The following PGLYRP3 variants were observed in gnomAD, a reference collection of about 807,000 sequenced individuals.
PGLYRP3 encodes peptidoglycan recognition protein I alpha.
A neutral mutation model predicts 36.0 loss-of-function variants in PGLYRP3; 39 were observed. That is an observed-to-expected ratio of 1.08 (90% confidence interval 0.84 to 1.41). The LOEUF is 1.41. Among genes scored for constraint, PGLYRP3 ranks in the 40% most tolerant of loss-of-function variants. The pLI is 0.00. For missense variants in PGLYRP3, 407 were observed against 427.9 expected, an observed-to-expected ratio of 0.95 and a Z score of 0.43; for synonymous variants, 204 against 172.8, an observed-to-expected ratio of 1.18 and a Z score of -1.42.
In PGLYRP3 at chr1:153,307,164, T is replaced by A; in HGVS notation, c.159A>T (p.Pro53=). 1 of 1,611,968 alleles carries A rather than the reference T, an allele frequency of 6.2e-7. No homozygotes were observed. The highest frequency in any genetic ancestry group is 8.5e-7 in the Non-Finnish European group (1 of 1,179,108). ...PVAYIITDQL[P]GMQCQQQSVC... is the part of the protein sequence containing the mutation. ...CGCTCTGCTGCTGGCACTGCATCCCTGGGAGCTGGTCTGTGATGATGTAGG... is the reference window on the plus strand; with the variant it reads ...CGCTCTGCTGCTGGCACTGCATCCCAGGGAGCTGGTCTGTGATGATGTAGG... Residue 53 remains proline, a synonymous_variant, in exon 3 of 8, where the codon CCA becomes CCT. Coordinates refer to ENST00000683862, the MANE Select transcript of PGLYRP3 (RefSeq NM_052891.3).
chr1:153,297,796 T>A lies in PGLYRP3; in HGVS notation c.*160A>T. On this transcript the variant is annotated 3_prime_UTR_variant, in exon 8 of 8. Transcript: ENST00000683862. ...ATGCCCAGCTGTGAGGTTTGGGGGC[T>A]CCTGGAGGATGTTGGCAGGAAAGGA... 1 of 776,260 alleles carries A rather than the reference T, an allele frequency of 1.3e-6. No individual in the cohort carries two copies. Among genetic ancestry groups the A allele is most frequent in the Non-Finnish European group, 2.0e-6 (1 of 492,532 alleles). The allele number at this position is 776,260 out of a possible 1,614,324, so 48.1% of individuals were successfully genotyped here. A position where few individuals can be genotyped will look rare whatever the true frequency, so the allele number is the denominator to read the frequency against.
Position 153,304,945 on chromosome 1 carries a change from ACCTAT to A in PGLYRP3, c.373_376+1del, listed in dbSNP as rs1659698694. ...ACAGGGTCCGCAGGGAGTGACCCTTACCTATCTTATTGCCAAAGAAGGCGATGCCC... is the reference window on the plus strand; with the variant it reads ...ACAGGGTCCGCAGGGAGTGACCCTTACTTATTGCCAAAGAAGGCGATGCCC... On this transcript the variant is annotated splice_donor_variant and coding_sequence_variant, in exon 4 of 8. Transcript: ENST00000683862. LOFTEE classifies it high-confidence loss of function. 1 of 1,612,070 alleles carries A rather than the reference ACCTAT, an allele frequency of 6.2e-7. No homozygotes were observed. The highest frequency in any genetic ancestry group is 2.2e-5 in the East Asian group (1 of 44,844).
intron 6 of PGLYRP3, 87 bp downstream of exon 6, chr1:153,302,322 G>T: frequency 7.0e-7 from 1 of 1,432,442 alleles, no homozygotes; most frequent in Non-Finnish European, 9.7e-7. Flanking sequence ...CAAAGGAGAG[G>T]CTCAGGAAAC....
At position 153,304,013 on chromosome 1, in the gene PGLYRP3, A is replaced by G. The variant is rs777646853; in HGVS notation, c.377-4T>C. The G allele has an allele frequency of 8.7e-6, 14 of 1,611,128 alleles. No individual in the cohort carries two copies. The highest frequency in any genetic ancestry group is 1.1e-5 in the South Asian group (1 of 90,820). Reference sequence around the variant, plus strand: ...GCAGCAGGGCTGGGACTGCTGCCTTAAAGAGGAGGACAGGGAGCACAAAAA... The same window carrying G: ...GCAGCAGGGCTGGGACTGCTGCCTTGAAGAGGAGGACAGGGAGCACAAAAA... On this transcript the variant is annotated splice_region_variant and splice_polypyrimidine_tract_variant and intron_variant, in intron 4 of 7. Coordinates refer to ENST00000683862, the MANE Select transcript of PGLYRP3 (RefSeq NM_052891.3).
Position 153,297,559 on chromosome 1 carries a change from GAAA to G in PGLYRP3, c.*394_*396del, listed in dbSNP as rs1557805388. Reference sequence around the variant, plus strand: ...GGAAGGAAGGAAGGAAGGAAAGAAAGAAAAAGAAAGAAAGAAAGAAAGAAGAAA... The same window carrying G: ...GGAAGGAAGGAAGGAAGGAAAGAAAGAAGAAAGAAAGAAAGAAAGAAGAAA... On this transcript the variant is annotated 3_prime_UTR_variant, in exon 8 of 8. Coordinates refer to ENST00000683862, the MANE Select transcript of PGLYRP3 (RefSeq NM_052891.3). Among the ~76,000 whole-genome samples, 1 of 72,606 alleles carries G rather than the reference GAAA, an allele frequency of 1.4e-5. No homozygotes were observed. The highest frequency in any genetic ancestry group is 3.4e-4 in the South Asian group (1 of 2,960). 47.6% of individuals were successfully genotyped at this position (72,606 alleles called of 152,430 possible).
At chr1:153,300,963 G>A (rs988706094) in intron 6 of PGLYRP3, among the ~76,000 whole-genome samples, 1 of 152,198 alleles carries the variant, frequency 6.6e-6, no homozygotes, top group African/African-American at 2.4e-5. Context: ...TGCTCAGGCT[G>A]AAGGGCAGTG....
Position 153,310,702 on chromosome 1 carries a change from C to T in PGLYRP3, c.-37G>A, listed in dbSNP as rs1043411312. The stretch of plus-strand genomic sequence containing the variant: ...ACTCTGACCGGGAGAGTGTGGACGG[C>T]AGCCCTGGAAGAGAGGCTAACAGTT... On this transcript the variant is annotated 5_prime_UTR_variant, in exon 2 of 8. Coordinates refer to ENST00000683862, the MANE Select transcript of PGLYRP3 (RefSeq NM_052891.3). 3.8e-6 allele frequency: 6 copies of T among 1,596,756 alleles called. No individual in the cohort carries two copies. The highest frequency in any genetic ancestry group is 1.1e-5 in the South Asian group (1 of 90,634).
chr1:153,311,253 A>G (rs1659890847), intron 1 of PGLYRP3, among the ~76,000 whole-genome samples: 1 of 152,128 alleles, frequency 6.6e-6, no homozygotes, highest in Non-Finnish European at 1.5e-5. Context: ...CCTCTTCTTT[A>G]GTGAGAATCA....
rs1408457116 is a variant in PGLYRP3 at position 153,297,514 on chromosome 1, G to T, written c.*442C>A. Among the ~76,000 whole-genome samples the T allele has an allele frequency of 1.6e-5, 1 of 60,846 alleles. No individual in the cohort carries two copies. The highest frequency in any genetic ancestry group is 7.1e-5 in the African/African-American group (1 of 14,110). 39.9% of individuals were successfully genotyped at this position (60,846 alleles called of 152,430 possible). A position where few individuals can be genotyped will look rare whatever the true frequency, so the allele number is the denominator to read the frequency against. On this transcript the variant is annotated 3_prime_UTR_variant, in exon 8 of 8. Transcript: ENST00000683862. ...AAAGAAGGTGAAAGGAAGGAAGGAA[G>T]GAAGGAAGGAAGGAAGGAAGGAAGG...
At chr1:153,305,254 T>G (rs1281644051) in intron 3 of PGLYRP3, among the ~76,000 whole-genome samples, 189 bp from the exon 4 acceptor site, 1 of 152,198 alleles carries the variant, frequency 6.6e-6, no homozygotes, top group Non-Finnish European at 1.5e-5. Flanking sequence ...TAATTTTTGT[T>G]GGGATTTAGC....
intron 3 of PGLYRP3, among the ~76,000 whole-genome samples, chr1:153,306,163 A>G (rs1288977522): frequency 1.3e-5 from 2 of 152,238 alleles, no homozygotes; most frequent in Non-Finnish European, 2.9e-5. Context: ...GGCCAAAACC[A>G]GGGCCTGCAG....
chr1:153,299,379 GA>G, intron 6 of PGLYRP3, 148 bp from the exon 7 acceptor site: 1 of 682,374 alleles, frequency 1.5e-6, no homozygotes, highest in Non-Finnish European at 2.5e-6. Context: ...GACAAGGACA[GA>G]AAACAAAACA....
chr1:153,311,758 A>G (rs1659901348), intron 1 of PGLYRP3, among the ~76,000 whole-genome samples: 1 of 152,234 alleles, frequency 6.6e-6, no homozygotes, highest in Non-Finnish European at 1.5e-5. Flanking sequence ...CAGGGTTTTT[A>G]AACTGCAATC....
In PGLYRP3 at chr1:153,303,808, TG is replaced by T. The variant is rs761860304; in HGVS notation, c.529+48del. ...GCACTCCCAAACATGACTCCAAACA[TG>T]GCTAGGTGGTGACGAGGAGGAGGGT... is the stretch of plus-strand genomic sequence containing the variant. On this transcript the variant is annotated intron_variant, in intron 5 of 7. Coordinates refer to ENST00000683862, the MANE Select transcript of PGLYRP3 (RefSeq NM_052891.3). 60 of 1,562,372 alleles carry T rather than the reference TG, an allele frequency of 3.8e-5. 1 individual carries two copies. In the African/African-American group the frequency reaches 8.0e-4, roughly 21 times the overall value.
intron 6 of PGLYRP3, 23 bp downstream of exon 6, chr1:153,302,386 C>T: frequency 1.2e-6 from 2 of 1,611,318 alleles, no homozygotes; most frequent in Non-Finnish European, 1.7e-6. Flanking sequence ...AAAGAGGGTT[C>T]TTTTGGCATT....
At chr1:153,307,456 C>T (rs751557676) in intron 2 of PGLYRP3, among the ~76,000 whole-genome samples, 189 bp from the exon 3 acceptor site, 8 of 152,148 alleles carry the variant, frequency 5.3e-5, no homozygotes, top group Non-Finnish European at 1.2e-4. Context: ...CCCAGACACA[C>T]GCTGCACTCA....
rs764908755 is a variant in PGLYRP3 at position 153,303,837 on chromosome 1, GGT to G, written c.529+18_529+19del. On this transcript the variant is annotated intron_variant, in intron 5 of 7. Coordinates refer to ENST00000683862, the MANE Select transcript of PGLYRP3 (RefSeq NM_052891.3). ...TAGGTGGTGACGAGGAGGAGGGTGA[GGT>G]GACATGGAGGGTCTTACCCTTCCTG... The G allele has an allele frequency of 1.3e-5, 21 of 1,595,154 alleles. No individual in the cohort carries two copies. The highest frequency in any genetic ancestry group is 5.0e-5 in the Admixed American group (3 of 59,718).
rs773891416 is a variant in PGLYRP3 at position 153,303,943 on chromosome 1, C to G, written c.443G>C (p.Gly148Ala). ...EGLISYAIQK[G>A]HLSPRYIQPL... ...CTGAATATACCTGGGCGACAGGTGA[C>G]CCTTCTGGATGGCATAGGAGATCAG... is the stretch of plus-strand genomic sequence containing the variant. Residue 148 changes from glycine to alanine, a missense_variant, in exon 5 of 8, where the codon GGT becomes GCT. By Grantham distance (60) the Gly-to-Ala change is moderately conservative (BLOSUM62 0). Coordinates refer to ENST00000683862, the MANE Select transcript of PGLYRP3 (RefSeq NM_052891.3). 1 of 1,613,876 alleles carries G rather than the reference C, an allele frequency of 6.2e-7. No individual in the cohort carries two copies. The highest frequency in any genetic ancestry group is 2.2e-5 in the East Asian group (1 of 44,890).
chr1:153,306,983 AAAT>A (rs199542481), intron 3 of PGLYRP3, 80 bp downstream of exon 3: 1 of 1,227,462 alleles, frequency 8.1e-7, no homozygotes, highest in Non-Finnish European at 1.1e-6. Flanking sequence ...GAAGCGCAGA[AAAT>A]AAGAGCCACA....
Sources: allele counts gnomAD v4.1 joint callset (sites outside exome capture counted in the v4.1 genomes callset), GRCh38; gene constraint gnomAD v4.1.1; transcripts MANE v1.5; gene names NCBI Gene and HGNC (gene_info 2026-07-23, HGNC 2026-07-21).